The following ZFAT variants were observed in gnomAD, a reference collection of about 807,000 sequenced individuals.
ZFAT encodes zinc finger and AT-hook domain containing, also known as zinc finger protein ZFAT.
A neutral mutation model predicts 117.7 loss-of-function variants in ZFAT; 64 were observed. That is an observed-to-expected ratio of 0.54 (90% CI 0.44 to 0.67). The LOEUF (loss-of-function observed/expected upper bound fraction) is 0.67. Ranked by LOEUF, ZFAT falls within the 30% of genes least tolerant of loss-of-function variation. The pLI is 0.00. For synonymous variants in ZFAT, 679 were observed against 615.0 expected (o/e 1.10, Z -1.54); for missense variants, 1,433 against 1,584.5 (o/e 0.90, Z 1.62).
At chr8:134,784,890 G>A in the ZFAT span, 2 of 151,854 alleles carry the variant, frequency 1.3e-5, no homozygotes, top group African/African-American at 4.8e-5. Flanking sequence ...ACACATCAAT[G>A]TGATTTCCAG....
chr8:134,655,510 T>C (rs865792383), intron 2 of ZFAT, among the ~76,000 whole-genome samples: 2 of 151,886 alleles, frequency 1.3e-5, no homozygotes, highest in Admixed American at 6.6e-5. Context: ...TAGGTGGGTG[T>C]GGTGGCGGGT....
At chr8:134,706,841 C>T (rs1312878046) in intron 1 of ZFAT, among the ~76,000 whole-genome samples, 1 of 150,456 alleles carries the variant, frequency 6.6e-6, no homozygotes, top group East Asian at 1.9e-4. Flanking sequence ...AAACTCTACA[C>T]TTAAGGTCTA....
At chr8:134,611,580 G>A (rs1299519310) in intron 3 of ZFAT, among the ~76,000 whole-genome samples, 1 of 152,334 alleles carries the variant, frequency 6.6e-6, no homozygotes, top group East Asian at 1.9e-4. Flanking sequence ...CCTGGGGAGG[G>A]GGAGAAGCTG....
upstream of ZFAT, chr8:134,713,053 A>G (rs994763350): frequency 3.3e-6 from 2 of 610,366 alleles, no homozygotes. Flanking sequence ...CCTCCTCCCC[A>G]CGGGGCGCAG....
At chr8:134,694,954 AAAAG>A (rs1377906854) in intron 1 of ZFAT, among the ~76,000 whole-genome samples, 6 of 152,214 alleles carry the variant, frequency 3.9e-5, no homozygotes, top group African/African-American at 1.4e-4. Flanking sequence ...ATTAGTTCTC[AAAAG>A]ACATCTCCAC....
At chr8:134,696,986 C>T (rs893432452) in intron 1 of ZFAT, among the ~76,000 whole-genome samples, 10 of 151,192 alleles carry the variant, frequency 6.6e-5, no homozygotes, top group African/African-American at 2.4e-4. Flanking sequence ...GGCGCCATTT[C>T]GGCTCACTGC....
chr8:134,622,640 C>T (rs980369242), intron 3 of ZFAT, among the ~76,000 whole-genome samples: 2 of 152,154 alleles, frequency 1.3e-5, no homozygotes, highest in African/African-American at 4.8e-5. Flanking sequence ...CGCCCCTCCC[C>T]CCTCTCCACC....
the ZFAT span, chr8:134,783,905 A>C: frequency 6.6e-6 from 1 of 152,216 alleles, no homozygotes; most frequent in Non-Finnish European, 1.5e-5. Context: ...TTGGTGTCCA[A>C]GGTTTTTATT....
At chr8:134,648,922 C>A (rs183242917) in intron 2 of ZFAT, among the ~76,000 whole-genome samples, 1 of 151,906 alleles carries the variant, frequency 6.6e-6, no homozygotes, top group Admixed American at 6.6e-5. Flanking sequence ...AAGGATTATG[C>A]AACATGACCA....
intron 10 of ZFAT, 109 bp downstream of exon 10, chr8:134,583,723 G>A (rs1261383156): frequency 2.9e-5 from 39 of 1,342,924 alleles, no homozygotes; most frequent in African/African-American, 5.9e-5. Flanking sequence ...TCCTTCTAAC[G>A]GGCAAGTGCT....
chr8:134,702,696 G>C (rs1013891196), intron 1 of ZFAT, among the ~76,000 whole-genome samples: 11 of 148,186 alleles, frequency 7.4e-5, no homozygotes, highest in African/African-American at 2.5e-4. Context: ...TTTTGAGACA[G>C]AGTCTCACGC....
At chr8:134,818,758 T>G in the ZFAT span, among the ~76,000 whole-genome samples, 1 of 152,226 alleles carries the variant, frequency 6.6e-6, no homozygotes, top group Non-Finnish European at 1.5e-5. Context: ...GGAATACTAC[T>G]TACCAATAAG....
At chr8:134,765,203 A>G in the ZFAT span, 1 of 152,168 alleles carries the variant, frequency 6.6e-6, no homozygotes, top group East Asian at 1.9e-4. Context: ...AATAACATAT[A>G]TTTTTAAAAG....
chr8:134,489,734 A>G (rs1447995630), intron 15 of ZFAT, among the ~76,000 whole-genome samples: 7 of 152,188 alleles, frequency 4.6e-5, no homozygotes, highest in African/African-American at 1.7e-4. Flanking sequence ...TCCCAAATGT[A>G]TGTCTAGACC....
chr8:134,713,331 G>T (rs1416267862), upstream of ZFAT, among the ~76,000 whole-genome samples: 2 of 152,250 alleles, frequency 1.3e-5, no homozygotes, highest in African/African-American at 4.8e-5. Flanking sequence ...CGCCGAGCTG[G>T]GCGTGCAAGG....
At chr8:134,718,422 C>A in the ZFAT span, among the ~76,000 whole-genome samples, 3 of 152,074 alleles carry the variant, frequency 2.0e-5, no homozygotes, top group Non-Finnish European at 4.4e-5. Flanking sequence ...TGCTTGAACC[C>A]AGGAGGTGGA....
chr8:134,743,003 A>G, the ZFAT span, among the ~76,000 whole-genome samples: 1 of 152,346 alleles, frequency 6.6e-6, no homozygotes, highest in South Asian at 2.1e-4. Flanking sequence ...CACAAAGTCC[A>G]TTGGACTGTC....
intron 5 of ZFAT, among the ~76,000 whole-genome samples, chr8:134,607,460 G>T (rs895507180): frequency 5.1e-4 from 78 of 152,332 alleles, no homozygotes; most frequent in African/African-American, 1.8e-3. Flanking sequence ...CTATTAGACA[G>T]TCTTAAAATT....
chr8:134,583,910 G>A lies in ZFAT; in HGVS notation c.2809C>T (p.His937Tyr). The A allele has an allele frequency of 1.9e-6, 3 of 1,609,620 alleles. No individual in the cohort carries two copies. Among genetic ancestry groups the A allele is most frequent in the African/African-American group, 1.3e-5 (1 of 74,986 alleles). ...HMNRHSTEKT[H>Y]LCDMCGKKFK... Reference sequence around the variant, plus strand: ...TTCTTGCCACACATGTCACATAGGTGGGTTTTCTCAGTGCTGTGACGATTC... The same window carrying A: ...TTCTTGCCACACATGTCACATAGGTAGGTTTTCTCAGTGCTGTGACGATTC... The change falls in exon 10 of 16, where the codon CAC (histidine) becomes TAC (tyrosine). Residue 937 changes from histidine (H) to tyrosine (Y), a missense_variant. Transcript: ENST00000377838.
Sources: gnomAD v4.1 joint callset for allele counts (sites outside exome capture counted in the v4.1 genomes callset) on GRCh38, gnomAD v4.1.1 for gene constraint, MANE v1.5 for transcripts, NCBI Gene and HGNC (gene_info 2026-07-23, HGNC 2026-07-21) for gene names.